The following ADGRL3 variants were observed in gnomAD, a reference collection of about 807,000 sequenced individuals.
ADGRL3 encodes the protein calcium-independent alpha-latrotoxin receptor 3.
A neutral mutation model predicts 153.5 loss-of-function variants in ADGRL3; 62 were observed. The observed-to-expected ratio is 0.40, with a 90% CI of 0.33 to 0.50. The LOEUF is 0.50. ADGRL3 is among the 20% of genes least tolerant of loss of function. ADGRL3 has a pLI of 0.47. For missense variants in ADGRL3, 1,641 were observed against 1,859.4 expected (o/e 0.88, Z 2.16); for synonymous variants, 710 against 672.5 (o/e 1.06, Z -0.86).
At chr4:61,998,606 G>A (rs902704376) in intron 21 of ADGRL3, among the ~76,000 whole-genome samples, 48 of 147,906 alleles carry the variant, frequency 3.2e-4, no homozygotes, top group African/African-American at 1.1e-3. Context: ...ATGGAGTTTC[G>A]TTCTTGTTGC....
intron 8 of ADGRL3, chr4:61,775,365 G>T (rs940803564): frequency 1.0e-5 from 4 of 400,636 alleles, no homozygotes; most frequent in African/African-American, 2.0e-5. Context: ...CAGTTTTACA[G>T]TAATGGAAAA....
chr4:61,602,112 C>G (rs908157327), intron 5 of ADGRL3, among the ~76,000 whole-genome samples: 2 of 150,694 alleles, frequency 1.3e-5, no homozygotes, highest in African/African-American at 2.4e-5. Context: ...AAATGACCTC[C>G]CTGTCTTATA....
At chr4:61,728,801 T>C (rs2096391480) in intron 6 of ADGRL3, among the ~76,000 whole-genome samples, 1 of 152,042 alleles carries the variant, frequency 6.6e-6, no homozygotes, top group Non-Finnish European at 1.5e-5. Context: ...ATAATGTCTA[T>C]ACTTTGGAGA....
chr4:61,598,722 A>C (rs1377479572), intron 5 of ADGRL3, among the ~76,000 whole-genome samples: 1 of 152,222 alleles, frequency 6.6e-6, no homozygotes, highest in Non-Finnish European at 1.5e-5. Flanking sequence ...ATATATTTGT[A>C]AAATGCAAAT....
At chr4:61,353,049 C>A (rs921550147) in intron 1 of ADGRL3, among the ~76,000 whole-genome samples, 7 of 152,088 alleles carry the variant, frequency 4.6e-5, no homozygotes, top group African/African-American at 1.7e-4. Context: ...CTTTTTGGCT[C>A]AGTTACCGTA....
At chr4:61,647,796 A>C (rs894186740) in intron 5 of ADGRL3, among the ~76,000 whole-genome samples, 4 of 152,142 alleles carry the variant, frequency 2.6e-5, no homozygotes, top group African/African-American at 9.7e-5. Flanking sequence ...ATAAATAGAA[A>C]ACATGCATTT....
Position 61,486,289 on chromosome 4 carries a change from G to A in ADGRL3, c.-173-10832G>A, listed in dbSNP as rs535443823. 2.6e-5 allele frequency among the ~76,000 whole-genome samples: 4 copies of A among 152,152 alleles called. No individual in the cohort carries two copies. In the East Asian group the frequency reaches 7.7e-4, roughly 29 times the overall value. On this transcript the variant is annotated intron_variant, in intron 2 of 26. Coordinates refer to ENST00000683033, the MANE Select transcript of ADGRL3 (RefSeq NM_001387552.1). ...ACTTGACTATAATGCCAGTTGCATT[G>A]ATAATGATTTTAGAATTTCACAGGA...
intron 5 of ADGRL3, among the ~76,000 whole-genome samples, chr4:61,601,313 C>T (rs563457322): frequency 3.7e-4 from 57 of 152,222 alleles, no homozygotes; most frequent in African/African-American, 1.3e-3. Flanking sequence ...TATATATACT[C>T]TTTAATATTC....
intron 5 of ADGRL3, among the ~76,000 whole-genome samples, chr4:61,608,550 T>A: frequency 6.6e-6 from 1 of 152,210 alleles, no homozygotes; most frequent in East Asian, 1.9e-4. Flanking sequence ...GTATTATAGT[T>A]TGTTACTTAG....
chr4:61,937,821 G>A (rs896897585), intron 15 of ADGRL3, among the ~76,000 whole-genome samples: 12 of 152,188 alleles, frequency 7.9e-5, no homozygotes, highest in Admixed American at 1.3e-4. Flanking sequence ...ACCTTCAGAC[G>A]AAAAGCTGTG....
chr4:61,769,444 T>C lies in ADGRL3; in HGVS notation c.1399+35890T>C, dbSNP rs367973512. Among the ~76,000 whole-genome samples the C allele has an allele frequency of 4.0e-5, 6 of 151,500 alleles. No individual in the cohort carries two copies. In the East Asian group the frequency reaches 6.0e-4, roughly 15 times the overall value. The stretch of plus-strand genomic sequence containing the variant: ...TCTTGGGCTGGTCGGTCTGAAGACC[T>C]GAGGTCGTAGGTGGATCTTTCTCAC... On this transcript the variant is annotated intron_variant, in intron 8 of 26. Transcript: ENST00000683033.
At chr4:61,676,596 T>A (rs2095203058) in intron 5 of ADGRL3, among the ~76,000 whole-genome samples, 1 of 151,996 alleles carries the variant, frequency 6.6e-6, no homozygotes, top group South Asian at 2.1e-4. Context: ...TTATGCTGTA[T>A]TCAACCAAAT....
chr4:62,036,393 C>T (rs200164637), intron 23 of ADGRL3, among the ~76,000 whole-genome samples: 200 of 152,106 alleles, frequency 1.3e-3, no homozygotes, highest in African/African-American at 4.7e-3. Flanking sequence ...ACCTACTTCC[C>T]GCAGGCACTC....
chr4:61,741,475 G>A (rs2096580193), intron 8 of ADGRL3, among the ~76,000 whole-genome samples: 1 of 152,122 alleles, frequency 6.6e-6, no homozygotes, highest in South Asian at 2.1e-4. Context: ...TTTCTTTCCA[G>A]TGCTGCTTCT....
At chr4:61,458,023 CT>C (rs977356198) in intron 2 of ADGRL3, among the ~76,000 whole-genome samples, 5 of 151,658 alleles carry the variant, frequency 3.3e-5, no homozygotes, top group Non-Finnish European at 7.4e-5. Flanking sequence ...TGTGAAATGC[CT>C]TTTTGCTTCA....
At chr4:61,304,190 A>C (rs1321931857) in intron 1 of ADGRL3, among the ~76,000 whole-genome samples, 1 of 152,184 alleles carries the variant, frequency 6.6e-6, no homozygotes, top group Non-Finnish European at 1.5e-5. Flanking sequence ...TAAAGACTTC[A>C]TTGTGTGGAT....
chr4:61,567,896 C>A (rs1472715747), intron 4 of ADGRL3, among the ~76,000 whole-genome samples: 2 of 152,156 alleles, frequency 1.3e-5, no homozygotes, highest in Non-Finnish European at 2.9e-5. Context: ...GACGTTTTGT[C>A]TTCTCACCAT....
Position 61,935,928 on chromosome 4 carries a change from G to A in ADGRL3, c.2302G>A (p.Glu768Lys). The A allele has an allele frequency of 6.3e-7, 1 of 1,590,670 alleles. No individual in the cohort carries two copies. Reference protein sequence around the residue: ...VRENTDNIKLEVARLSTEGNL... With the variant: ...VRENTDNIKLKVARLSTEGNL... Reference sequence around the variant, plus strand: ...TATCTCTTTGATATTAACAGAATTGGAAGTTGCAAGACTGAGCACAGAAGG... The same window carrying A: ...TATCTCTTTGATATTAACAGAATTGAAAGTTGCAAGACTGAGCACAGAAGG... The change falls in exon 15 of 27, where the codon GAA becomes AAA. Residue 768 changes from glutamate (E) to lysine (K), a missense_variant. This residue lies in a region of ADGRL3 where 734 missense variants were observed against 797.0 expected (regional missense o/e 0.92). Transcript: ENST00000683033.
At chr4:61,759,769 T>A (rs772336109) in intron 8 of ADGRL3, among the ~76,000 whole-genome samples, 1 of 152,224 alleles carries the variant, frequency 6.6e-6, no homozygotes, top group African/African-American at 2.4e-5. Context: ...GTTTCCAGTT[T>A]TTCTACTCTG....
Sources: gnomAD v4.1 joint callset for allele counts (sites outside exome capture counted in the v4.1 genomes callset) on GRCh38, gnomAD v4.1.1 for gene constraint, gnomAD v4.1.1 regional missense constraint, MANE v1.5 for transcripts, NCBI Gene and HGNC (gene_info 2026-07-23, HGNC 2026-07-21) for gene names.